TSC1: variants seen among roughly 807,000 people sequenced by gnomAD.
TSC1 encodes TSC complex subunit 1, also known as hamartin.
In TSC1, 20 loss-of-function variants were observed where a neutral mutation model predicts 124.3. The ratio of observed to expected loss-of-function variants is 0.16; its 90% CI spans 0.11 to 0.23. The LOEUF is 0.23. Among genes scored for constraint, TSC1 ranks in the 10% least tolerant of loss-of-function variants. TSC1 has a pLI of 1.00. For synonymous variants in TSC1, 493 were observed against 539.1 expected (o/e 0.91, Z 1.19); for missense variants, 1,124 against 1,448.5 (o/e 0.78, Z 3.64).
At chr9:132,934,611 C>G (rs1315754939) in intron 2 of TSC1, 1 of 154,736 alleles carries the variant, frequency 6.5e-6, no homozygotes, top group Non-Finnish European at 1.4e-5. Context: ...CAGGTGCAGC[C>G]AGGGTTAAGA....
Position 132,903,068 on chromosome 9 carries a change from A to G in TSC1, c.2209-281T>C, listed in dbSNP as rs1845467131. Among the ~76,000 whole-genome samples the G allele has an allele frequency of 6.6e-6, 1 of 152,228 alleles. No individual in the cohort carries two copies. The highest frequency in any genetic ancestry group is 1.5e-5 in the Non-Finnish European group (1 of 68,034). On this transcript the variant is annotated intron_variant, in intron 17 of 22. Transcript: ENST00000298552. The surrounding 1 kb of genome is among the most constrained non-coding windows in gnomAD (Gnocchi z 5.9). ...GTCTGACTACCAACACTGGAATAAAATCTCTCAAACATGGTACTAAGTTCA... is the reference window on the plus strand; with the variant it reads ...GTCTGACTACCAACACTGGAATAAAGTCTCTCAAACATGGTACTAAGTTCA...
chr9:132,897,070 G>C (rs1188201615), intron 22 of TSC1, 114 bp downstream of exon 22: 6 of 1,522,642 alleles, frequency 3.9e-6, no homozygotes, highest in African/African-American at 1.4e-5. Flanking sequence ...GGAGTGAGCT[G>C]AGTGTTGCAG....
At chr9:132,899,721 G>A (rs1845267833) in intron 20 of TSC1, 1 of 152,210 alleles carries the variant, frequency 6.6e-6, no homozygotes, top group African/African-American at 2.4e-5. Flanking sequence ...TATGAACTGG[G>A]AAACAGGGCC....
intron 5 of TSC1, among the ~76,000 whole-genome samples, chr9:132,924,323 A>C (rs1846735569): frequency 6.6e-6 from 1 of 152,226 alleles, no homozygotes; most frequent in Non-Finnish European, 1.5e-5. Flanking sequence ...ATAGGAATCT[A>C]TGAGTCTGGG....
In TSC1 at chr9:132,923,715, T is replaced by C; in HGVS notation, c.364-223A>G. The C allele has an allele frequency of 1.6e-6, 1 of 610,378 alleles. No individual in the cohort carries two copies. The highest frequency in any genetic ancestry group is 2.8e-6 in the Non-Finnish European group (1 of 353,408). The allele number at this position is 610,378 out of a possible 1,614,324, so 37.8% of individuals were successfully genotyped here. On this transcript the variant is annotated intron_variant, in intron 5 of 22. Transcript: ENST00000298552. This position sits in a 1 kb window ranked among gnomAD's most constrained non-coding sequence, Gnocchi z 4.2. ...TACTGTAATGAGTCAGTGAGGACCA[T>C]TTACAACACACCTATGCAAAGGCAT...
Position 132,911,047 on chromosome 9 carries a change from G to C in TSC1, c.1096C>G (p.Pro366Ala), listed in dbSNP as rs1041988929. Residue 366 changes from proline to alanine, a missense_variant, in exon 11 of 23, where the codon CCA becomes GCA. Transcript: ENST00000298552. ...CTGTAAGGGTGTGACAGATCAGGTG[G>C]GACATTTCCAGGAGAAGTTGGAGGA... Reference protein sequence around the residue: ...TTPPTSPGNVPPDLSHPYSKV... With the variant: ...TTPPTSPGNVAPDLSHPYSKV... 3.1e-6 allele frequency: 5 copies of C among 1,614,022 alleles called. No individual in the cohort carries two copies. In the African/African-American group the frequency reaches 6.7e-5, roughly 22 times the overall value.
intron 1 of TSC1, chr9:132,941,602 T>G (rs749111434): frequency 6.6e-6 from 1 of 152,200 alleles, no homozygotes; most frequent in Non-Finnish European, 1.5e-5. Context: ...TTTCACGCCT[T>G]CAGCTACTTA....
At chr9:132,898,457 AAGG>A (rs1845201872) in intron 20 of TSC1, among the ~76,000 whole-genome samples, 1 of 152,230 alleles carries the variant, frequency 6.6e-6, no homozygotes, top group African/African-American at 2.4e-5. Context: ...CATAAACAGC[AAGG>A]AGATGAGCTT....
Position 132,892,575 on chromosome 9 carries a change from G to A in TSC1, c.*3660C>T, listed in dbSNP as rs1844828822. On this transcript the variant is annotated 3_prime_UTR_variant, in exon 23 of 23. Coordinates refer to ENST00000298552, the MANE Select transcript of TSC1 (RefSeq NM_000368.5). ...CGGCACCCCATCTCACCAAGGTCCT[G>A]GCCGGGTCTTCGCTCTGCCCAAACC... 4.3e-6 allele frequency: 1 copy of A among 233,292 alleles called. No homozygotes were observed. The highest frequency in any genetic ancestry group is 2.2e-5 in the African/African-American group (1 of 45,358). 14.5% of individuals were successfully genotyped at this position (233,292 alleles called of 1,614,324 possible). A position where few individuals can be genotyped will look rare whatever the true frequency, so the allele number is the denominator to read the frequency against.
intron 3 of TSC1, 64 bp downstream of exon 3, chr9:132,928,703 A>G (rs1847026024): frequency 6.2e-7 from 1 of 1,600,078 alleles, no homozygotes; most frequent in Non-Finnish European, 8.5e-7. Flanking sequence ...GCAGGATTCT[A>G]GTGGCTCTAA....
intron 2 of TSC1, chr9:132,931,260 CG>C (rs1257975466): frequency 6.6e-6 from 1 of 152,100 alleles, no homozygotes; most frequent in Non-Finnish European, 1.5e-5. Context: ...AGTCAGAAGA[CG>C]ATAATGTCAT....
intron 15 of TSC1, 101 bp downstream of exon 15, chr9:132,905,480 G>A: frequency 6.5e-7 from 1 of 1,538,428 alleles, no homozygotes; most frequent in South Asian, 1.1e-5. Context: ...GCTGCCTCAA[G>A]GTGGGAGTGT....
At chr9:132,930,680 T>C (rs530488081) in intron 2 of TSC1, among the ~76,000 whole-genome samples, 1 of 151,598 alleles carries the variant, frequency 6.6e-6, no homozygotes, top group East Asian at 1.9e-4. Context: ...AACTGCCAGG[T>C]ATTAACTTGC....
intron 2 of TSC1, among the ~76,000 whole-genome samples, chr9:132,930,327 G>A (rs897205926): frequency 1.3e-5 from 2 of 152,092 alleles, no homozygotes; most frequent in Non-Finnish European, 2.9e-5. Context: ...GGTGGCTCAC[G>A]CTTGTAATCC....
intron 12 of TSC1, 41 bp downstream of exon 12, chr9:132,910,530 C>G (rs1845890976): frequency 6.2e-7 from 1 of 1,613,710 alleles, no homozygotes; most frequent in African/African-American, 1.3e-5. Flanking sequence ...AAGTGAGTCA[C>G]TGTGCCTGGG....
chr9:132,912,832 C>T, intron 8 of TSC1: 1 of 263,070 alleles, frequency 3.8e-6, no homozygotes, highest in Admixed American at 5.1e-5. Context: ...TGCCAAGCAG[C>T]TGAGGCTGAC....
chr9:132,906,246 G>A lies in TSC1; in HGVS notation c.1439-107C>T. On this transcript the variant is annotated intron_variant, in intron 14 of 22. Coordinates refer to ENST00000298552, the MANE Select transcript of TSC1 (RefSeq NM_000368.5). The surrounding 1 kb of genome is among the most constrained non-coding windows in gnomAD (Gnocchi z 4.1). ...CACATGCCAGTGTCACTCAGAGAGAGGAGAAAAAGTGGCATCCGGCTGGAC... is the reference window on the plus strand; with the variant it reads ...CACATGCCAGTGTCACTCAGAGAGAAGAGAAAAAGTGGCATCCGGCTGGAC... 7.5e-7 allele frequency: 1 copy of A among 1,327,086 alleles called. No homozygotes were observed. The highest frequency in any genetic ancestry group is 1.4e-5 in the African/African-American group (1 of 68,978). 82.2% of individuals were successfully genotyped at this position (1,327,086 alleles called of 1,614,324 possible). A position where few individuals can be genotyped will look rare whatever the true frequency, so the allele number is the denominator to read the frequency against.
chr9:132,910,368 G>T, intron 12 of TSC1: 1 of 874,116 alleles, frequency 1.1e-6, no homozygotes. Context: ...CAAGAGTTCT[G>T]CCAAAGCAGA....
intron 22 of TSC1, 33 bp downstream of exon 22, chr9:132,897,151 T>A: frequency 6.2e-7 from 1 of 1,613,586 alleles, no homozygotes; most frequent in African/African-American, 1.3e-5. Context: ...GGCAGCTTAG[T>A]CCCAAGGTCA....
Sources: gnomAD v4.1 joint callset for allele counts (sites outside exome capture counted in the v4.1 genomes callset) on GRCh38, gnomAD v4.1.1 for gene constraint, Gnocchi (gnomAD v3.1) non-coding constraint, MANE v1.5 for transcripts, NCBI Gene and HGNC (gene_info 2026-07-23, HGNC 2026-07-21) for gene names.